The following CNTRL variants were observed in gnomAD, a reference collection of about 807,000 sequenced individuals.
The protein encoded by CNTRL is centriolin.
In CNTRL, 233 loss-of-function variants were observed where a neutral mutation model predicts 303.7. The ratio of observed to expected loss-of-function variants is 0.77; its 90% CI spans 0.69 to 0.86. The LOEUF (loss-of-function observed/expected upper bound fraction) is 0.86, where lower values mean the gene tolerates loss of function less well. Ranked by LOEUF, CNTRL falls within the 40% of genes least tolerant of loss-of-function variation. The pLI, the probability that CNTRL is intolerant of heterozygous loss-of-function variation, is 0.00. For missense variants in CNTRL, 2,524 were observed against 2,650.6 expected, an observed-to-expected ratio of 0.95 and a Z score of 1.05; for synonymous variants, 900 against 922.2, an observed-to-expected ratio of 0.98 and a Z score of 0.44.
intron 30 of CNTRL, 117 bp downstream of exon 30, chr9:121,158,226 T>C (rs2052678440): frequency 7.9e-7 from 1 of 1,263,502 alleles, no homozygotes; most frequent in Non-Finnish European, 1.1e-6. Flanking sequence ...TTGTTAAGCA[T>C]GAAGTCTGAA....
chr9:121,150,686 C>T (rs1376478007), intron 25 of CNTRL: 10 of 560,022 alleles, frequency 1.8e-5, no homozygotes, highest in Middle Eastern at 4.7e-4. Flanking sequence ...CCGAGCTACT[C>T]AGGAGACTGA....
chr9:121,154,875 G>A lies in CNTRL; in HGVS notation c.4327G>A (p.Ala1443Thr), dbSNP rs2052478869. The change falls in exon 27 of 44, where the codon GCA (alanine) becomes ACA (threonine). Residue 1443 changes from alanine (A) to threonine (T), a missense_variant. By Grantham distance (58) the Ala-to-Thr change is moderately conservative. Transcript: ENST00000373855. ...GCTCAGGGAAGCTGACCGACTCCTG[G>A]CAGAGGCTGAGAGTGAACTTTCATG... is the stretch of plus-strand genomic sequence containing the variant. ...SELREADRLL[A>T]EAESELSCTK... 1 of 1,614,166 alleles carries A rather than the reference G, an allele frequency of 6.2e-7. No homozygotes were observed. Among genetic ancestry groups the A allele is most frequent in the South Asian group, 1.1e-5 (1 of 91,082 alleles).
At chr9:121,168,452 A>G in intron 38 of CNTRL, 131 bp downstream of exon 38, 1 of 693,378 alleles carries the variant, frequency 1.4e-6, no homozygotes, top group Admixed American at 2.7e-5. Flanking sequence ...GTAAAGCAGG[A>G]GGTATGATAG....
In CNTRL at chr9:121,159,793, G is replaced by A. The variant is rs573539475; in HGVS notation, c.4930-350G>A. Among the ~76,000 whole-genome samples the A allele has an allele frequency of 8.5e-5, 13 of 152,214 alleles. No homozygotes were observed. In the South Asian group the frequency reaches 2.7e-3, roughly 32 times the overall value. The stretch of plus-strand genomic sequence containing the variant: ...ATCTGCATGTTTCCTAGGGCATGAA[G>A]GCCTAGCCTTTTGTGATCATGTTTA... On this transcript the variant is annotated intron_variant, in intron 31 of 43. Coordinates refer to ENST00000373855, the MANE Select transcript of CNTRL (RefSeq NM_007018.6).
intron 2 of CNTRL, among the ~76,000 whole-genome samples, chr9:121,082,207 T>C (rs1342290100): frequency 6.6e-6 from 1 of 152,176 alleles, no homozygotes; most frequent in Non-Finnish European, 1.5e-5. Flanking sequence ...AGGCAGCATT[T>C]ATGGATAGAA....
Position 121,177,160 on chromosome 9 carries a change from T to C in CNTRL, c.6955-3T>C, listed in dbSNP as rs1426225621. 2 of 1,610,494 alleles carry C rather than the reference T, an allele frequency of 1.2e-6. No homozygotes were observed. The highest frequency in any genetic ancestry group is 1.1e-5 in the South Asian group (1 of 90,820). Reference sequence around the variant, plus strand: ...ATTTATCCTTCCTTTTGTCTTACTGTAGGAAAAGAATGCCTCAGCCAGATG... The same window carrying C: ...ATTTATCCTTCCTTTTGTCTTACTGCAGGAAAAGAATGCCTCAGCCAGATG... On this transcript the variant is annotated splice_polypyrimidine_tract_variant and splice_region_variant and intron_variant, in intron 43 of 43. Transcript: ENST00000373855.
intron 2 of CNTRL, among the ~76,000 whole-genome samples, chr9:121,084,033 A>AT (rs2048249856): frequency 1.3e-5 from 2 of 152,296 alleles, no homozygotes; most frequent in South Asian, 4.1e-4. Context: ...GCTACTCTAA[A>AT]TCCTTGGATT....
Position 121,173,284 on chromosome 9 carries a change from C to T in CNTRL, c.6459C>T (p.Ile2153=), listed in dbSNP as rs144635845. 36 of 1,612,680 alleles carry T rather than the reference C, an allele frequency of 2.2e-5. No homozygotes were observed. Among genetic ancestry groups the T allele is most frequent in the Non-Finnish European group, 2.8e-5 (33 of 1,179,268 alleles). The change falls in exon 41 of 44, where the codon ATC becomes ATT. Residue 2153 remains isoleucine (I), a synonymous_variant. Transcript: ENST00000373855. ...ATTTGGAGAGAAGACAAATGGAAAT[C>T]AGTGATGCAATGAGGACACTTAAAT... ...QKDLERRQME[I]SDAMRTLKSE...
intron 14 of CNTRL, 127 bp from the exon 15 acceptor site, chr9:121,135,679 A>G: frequency 1.3e-6 from 1 of 786,004 alleles, no homozygotes; most frequent in Non-Finnish European, 1.9e-6. Flanking sequence ...TGCTACTGAA[A>G]ACTTTGTGGC....
intron 25 of CNTRL, 68 bp downstream of exon 25, chr9:121,150,551 T>G (rs919807394): frequency 2.1e-5 from 30 of 1,434,946 alleles, no homozygotes; most frequent in Non-Finnish European, 2.8e-5. Context: ...GTTATATACT[T>G]AATGAGTTGA....
intron 11 of CNTRL, among the ~76,000 whole-genome samples, chr9:121,117,895 C>T (rs1034264833): frequency 6.6e-6 from 1 of 151,658 alleles, no homozygotes; most frequent in East Asian, 1.9e-4. Context: ...AGGAGAATGG[C>T]GTGAACCCGG....
At chr9:121,090,680 T>C (rs1218562628) in intron 4 of CNTRL, among the ~76,000 whole-genome samples, 4 of 152,222 alleles carry the variant, frequency 2.6e-5, no homozygotes, top group African/African-American at 7.2e-5. Context: ...TAAAGTTTTA[T>C]TGGAACACAG....
chr9:121,135,852 A>G lies in CNTRL; in HGVS notation c.2072A>G (p.Asn691Ser), dbSNP rs751268637. ...ESALQEQHEV[N>S]ASLQQTQGDL... ...GCCCTCCAAGAGCAGCATGAGGTGA[A>G]TGCATCTTTGCAGCAGACCCAGGGA... The change falls in exon 15 of 44, where the codon AAT becomes AGT. Residue 691 changes from asparagine (N) to serine (S), a missense_variant. Physicochemically the swap from Asn to Ser is conservative, Grantham distance 46 (BLOSUM62 1). Transcript: ENST00000373855. The G allele has an allele frequency of 3.7e-6, 6 of 1,614,006 alleles. No individual in the cohort carries two copies. In the South Asian group the frequency reaches 5.5e-5, roughly 15 times the overall value.
intron 8 of CNTRL, among the ~76,000 whole-genome samples, chr9:121,110,376 G>A: frequency 6.6e-6 from 1 of 152,064 alleles, no homozygotes; most frequent in African/African-American, 2.4e-5. Context: ...AACTCAGAAT[G>A]ACAATAAAAT....
Position 121,135,832 on chromosome 9 carries a change from C to T in CNTRL, c.2052C>T (p.Leu684=), listed in dbSNP as rs1366507850. 1.2e-6 allele frequency: 2 copies of T among 1,613,394 alleles called. No homozygotes were observed. The highest frequency in any genetic ancestry group is 4.5e-5 in the East Asian group (2 of 44,880). Residue 684 remains leucine, a synonymous_variant, in exon 15 of 44, where the codon CTC becomes CTT. Transcript: ENST00000373855. ...AGCTTGCAGAGCTAGAAAGTGCCCT[C>T]CAAGAGCAGCATGAGGTGAATGCAT... ...RKELAELESA[L]QEQHEVNASL...
At position 121,098,841 on chromosome 9, in the gene CNTRL, C is replaced by A. The variant is rs74482564; in HGVS notation, c.808+269C>A. ...CAGAGAAGACAGACAAAAAAAAAAA[C>A]AAAAACAAAGTAACAGGGGAACCCT... On this transcript the variant is annotated intron_variant, in intron 7 of 43. Coordinates refer to ENST00000373855, the MANE Select transcript of CNTRL (RefSeq NM_007018.6). Among the ~76,000 whole-genome samples the A allele has an allele frequency of 4.0e-3, 519 of 128,534 alleles. 3 individuals carry two copies. Among genetic ancestry groups the A allele is most frequent in the African/African-American group, 0.012 (451 of 37,996 alleles). The allele number at this position is 128,534 out of a possible 152,430, so 84.3% of individuals were successfully genotyped here.
chr9:121,084,615 G>A (rs1013966302), intron 2 of CNTRL, among the ~76,000 whole-genome samples: 2 of 151,082 alleles, frequency 1.3e-5, no homozygotes, highest in African/African-American at 4.9e-5. Flanking sequence ...CGCGATCTTG[G>A]CTCACTGCAA....
At chr9:121,115,312 G>A in intron 11 of CNTRL, 112 bp downstream of exon 11, 2 of 537,664 alleles carry the variant, frequency 3.7e-6, no homozygotes, top group East Asian at 6.4e-5. Flanking sequence ...AGTTAATTAT[G>A]GAATGATAAA....
intron 1 of CNTRL, 103 bp downstream of exon 1, chr9:121,075,170 G>C: frequency 2.9e-6 from 1 of 343,710 alleles, no homozygotes; most frequent in Non-Finnish European, 5.7e-6. Flanking sequence ...GTGTGGGCCG[G>C]CTTGGGATGG....
Sources: gnomAD v4.1 joint callset for allele counts (sites outside exome capture counted in the v4.1 genomes callset) on GRCh38, gnomAD v4.1.1 for gene constraint, MANE v1.5 for transcripts, NCBI Gene and HGNC (gene_info 2026-07-23, HGNC 2026-07-21) for gene names.